The following HNRNPH1 variants were observed in gnomAD, a reference collection of about 807,000 sequenced individuals.
The protein encoded by HNRNPH1 is heterogeneous nuclear ribonucleoprotein H.
HNRNPH1 carries 4 observed loss-of-function variants against 58.6 expected under a neutral mutation model. The observed-to-expected ratio is 0.07, with a 90% CI of 0.03 to 0.16. HNRNPH1 has a LOEUF of 0.16. Among genes scored for constraint, HNRNPH1 ranks in the 10% least tolerant of loss-of-function variants. HNRNPH1 has a pLI of 1.00. For synonymous variants in HNRNPH1, 192 were observed against 189.2 expected, an observed-to-expected ratio of 1.01 and a Z score of -0.12; for missense variants, 271 against 564.2, an observed-to-expected ratio of 0.48 and a Z score of 5.26.
chr5:179,622,453 G>GT (rs1010698778), intron 1 of HNRNPH1, among the ~76,000 whole-genome samples: 3 of 152,206 alleles, frequency 2.0e-5, no homozygotes, highest in African/African-American at 7.2e-5. Flanking sequence ...GCTCACGCCT[G>GT]TAATCCCAGC....
In HNRNPH1 at chr5:179,620,886, A is replaced by G; in HGVS notation, c.397+6T>C. 4 of 1,613,900 alleles carry G rather than the reference A, an allele frequency of 2.5e-6. No individual in the cohort carries two copies. The highest frequency in any genetic ancestry group is 3.4e-6 in the Non-Finnish European group (4 of 1,179,884). ...TCACTGCTCAGCAACAAACATGACT[A>G]CATACCTGAGAAGAACTGAACAATT... On this transcript the variant is annotated splice_donor_region_variant and intron_variant, in intron 3 of 12. Coordinates refer to ENST00000356731, the Ensembl canonical transcript of HNRNPH1.
At chr5:179,628,705 C>T (rs895422616), upstream of HNRNPH1, among the ~76,000 whole-genome samples, 1 of 152,182 alleles carries the variant, frequency 6.6e-6, no homozygotes, top group African/African-American at 2.4e-5. Flanking sequence ...TCTGGGAGGC[C>T]ATGGTGGGCT....
chr5:179,622,120 C>G (rs1562309015), intron 1 of HNRNPH1: 1 of 390,382 alleles, frequency 2.6e-6, no homozygotes, highest in Non-Finnish European at 5.0e-6. Flanking sequence ...ATTCAGGAAA[C>G]CTATGTACTG....
At chr5:179,615,814 T>C in intron 11 of HNRNPH1, 1 of 525,300 alleles carries the variant, frequency 1.9e-6, no homozygotes, top group Non-Finnish European at 3.4e-6. Flanking sequence ...AATGTTTTAA[T>C]ACATGGAGGC....
chr5:179,620,150 T>A (rs1199325889), intron 3 of HNRNPH1: 4 of 152,252 alleles, frequency 2.6e-5, no homozygotes, highest in Non-Finnish European at 5.9e-5. Context: ...TAGGACTCGA[T>A]ACATATATCA....
intron 3 of HNRNPH1, chr5:179,620,654 G>T: frequency 2.2e-6 from 1 of 445,218 alleles, no homozygotes; most frequent in Non-Finnish European, 4.1e-6. Flanking sequence ...AATCCTCAAT[G>T]AAAGATCTAC....
At chr5:179,615,304 A>AATGT (rs1177860269) in intron 12 of HNRNPH1, 3 of 460,314 alleles carry the variant, frequency 6.5e-6, no homozygotes, top group African/African-American at 5.9e-5. Context: ...AATTTAACAT[A>AATGT]AACATTCACA....
upstream of HNRNPH1, chr5:179,629,409 C>T (rs1774666716): frequency 7.1e-6 from 1 of 140,502 alleles, no homozygotes; most frequent in Non-Finnish European, 1.6e-5. Flanking sequence ...CCTCCTGCCT[C>T]AGCCTCCCAA....
chr5:179,620,874 AC>A lies in HNRNPH1; in HGVS notation c.397+17del. 3.1e-6 allele frequency: 5 copies of A among 1,612,438 alleles called. No homozygotes were observed. The highest frequency in any genetic ancestry group is 4.2e-6 in the Non-Finnish European group (5 of 1,178,918). ...GCTAGCCAAAACTCACTGCTCAGCAACAAACATGACTACATACCTGAGAAGA... is the reference window on the plus strand; with the variant it reads ...GCTAGCCAAAACTCACTGCTCAGCAAAAACATGACTACATACCTGAGAAGA... On this transcript the variant is annotated intron_variant, in intron 3 of 12. Coordinates refer to ENST00000356731, the Ensembl canonical transcript of HNRNPH1.
At chr5:179,617,852 A>C (rs201483427) in exon 7 of HNRNPH1, 4 of 1,613,680 alleles carry the variant, frequency 2.5e-6, no homozygotes, top group Non-Finnish European at 3.4e-6. Flanking sequence ...ATGTGTACAC[A>C]GTGTCCTGTT....
intron 2 of HNRNPH1, among the ~76,000 whole-genome samples, chr5:179,633,396 C>A (rs951234584): frequency 7.9e-5 from 12 of 151,266 alleles, no homozygotes; most frequent in African/African-American, 2.7e-4. Context: ...CCCGGGTTCA[C>A]GCCATTCTCC....
chr5:179,614,670 T>C (rs547250657), exon 13 of HNRNPH1: 58 of 531,476 alleles, frequency 1.1e-4, no homozygotes, highest in African/African-American at 8.0e-4. Flanking sequence ...TAGATGAGTA[T>C]TGTATTCAAA....
At chr5:179,616,598 T>C (rs904997222) in intron 10 of HNRNPH1, 11 of 522,634 alleles carry the variant, frequency 2.1e-5, no homozygotes, top group Non-Finnish European at 2.7e-5. Context: ...TGTTTTGCTA[T>C]TGATTTAAAC....
Position 179,614,727 on chromosome 5 carries a change from G to A in HNRNPH1, c.*233C>T, listed in dbSNP as rs1365218410. ...ATAACAATCCTGATTTCCACTTAGA[G>A]TAAGCATAAATCACAAGCTTGTATT... On this transcript the variant is annotated 3_prime_UTR_variant, in exon 13 of 13. Transcript: ENST00000356731. The A allele has an allele frequency of 5.0e-6, 3 of 602,064 alleles. No individual in the cohort carries two copies. The African/African-American group carries it at 6.0e-5, about 12-fold the overall frequency. The allele number at this position is 602,064 out of a possible 1,614,324, so 37.3% of individuals were successfully genotyped here. A position where few individuals can be genotyped will look rare whatever the true frequency, so the allele number is the denominator to read the frequency against.
At chr5:179,622,320 A>T (rs1772839387) in intron 1 of HNRNPH1, among the ~76,000 whole-genome samples, 1 of 152,276 alleles carries the variant, frequency 6.6e-6, no homozygotes, top group African/African-American at 2.4e-5. Context: ...GTTACACTTC[A>T]AGATATTGCA....
chr5:179,618,196 T>C lies in HNRNPH1; in HGVS notation c.664A>G (p.Ile222Val), dbSNP rs766878481. The C allele has an allele frequency of 1.6e-5, 26 of 1,614,174 alleles. No individual in the cohort carries two copies. The highest frequency in any genetic ancestry group is 1.6e-4 in the Middle Eastern group (1 of 6,062). The change falls in exon 5 of 13, where the codon ATT becomes GTT. Residue 222 changes from isoleucine to valine, a missense_variant. By Grantham distance (29) the Ile-to-Val change is conservative. Coordinates refer to ENST00000356731, the Ensembl canonical transcript of HNRNPH1. ...CTCTCAAAGCCAGCTCCTCTGCCAA[T>C]GCTGTTATACCCTCTACCAGCCCCA...
upstream of HNRNPH1, among the ~76,000 whole-genome samples, chr5:179,627,072 C>T (rs112837562): frequency 0.014 from 2,111 of 152,262 alleles, 49 homozygotes; most frequent in African/African-American, 0.045. Context: ...TGAGCCACTG[C>T]GCCCGGCTAA....
upstream of HNRNPH1, among the ~76,000 whole-genome samples, chr5:179,625,120 A>C (rs1238229357): frequency 1.3e-5 from 2 of 151,914 alleles, no homozygotes; most frequent in African/African-American, 4.9e-5. Flanking sequence ...ATGACGGTAC[A>C]TACCAGGCCC....
chr5:179,623,276 C>G (rs1487592536), exon 1 of HNRNPH1: 3 of 512,590 alleles, frequency 5.9e-6, no homozygotes, highest in South Asian at 5.7e-5. Flanking sequence ...GGCGGATGCA[C>G]CCACCCCGGC....
Sources: allele counts gnomAD v4.1 joint callset (sites outside exome capture counted in the v4.1 genomes callset), GRCh38; gene constraint gnomAD v4.1.1; transcripts MANE v1.5; gene names NCBI Gene and HGNC (gene_info 2026-07-23, HGNC 2026-07-21).